The following EFCAB5 variants were observed in gnomAD, a reference collection of about 807,000 sequenced individuals.
The protein encoded by EFCAB5 is EF-hand calcium-binding domain-containing protein 5.
In EFCAB5, 131 loss-of-function variants were observed where a neutral mutation model predicts 167.9. The ratio of observed to expected loss-of-function variants is 0.78; its 90% confidence interval spans 0.68 to 0.90. The LOEUF (loss-of-function observed/expected upper bound fraction) is 0.90, where lower values mean the gene tolerates loss of function less well. Among genes scored for constraint, EFCAB5 ranks in the 40% least tolerant of loss-of-function variants. EFCAB5 has a pLI of 0.00. For synonymous variants in EFCAB5, 574 were observed against 602.8 expected (o/e 0.95, Z 0.70); for missense variants, 1,663 against 1,745.2 (o/e 0.95, Z 0.84).
At chr17:30,032,576 C>T (rs187456804) in intron 7 of EFCAB5, among the ~76,000 whole-genome samples, 131 of 152,290 alleles carry the variant, frequency 8.6e-4, no homozygotes, top group African/African-American at 2.9e-3. Flanking sequence ...GGAGTCTTAG[C>T]TGAGAGAATT....
chr17:30,013,127 C>A (rs549477772), intron 7 of EFCAB5, among the ~76,000 whole-genome samples: 1 of 152,100 alleles, frequency 6.6e-6, no homozygotes, highest in Non-Finnish European at 1.5e-5. Context: ...TATGTTGAAC[C>A]AGTCTTGCAT....
At chr17:29,977,277 T>C (rs919775614) in intron 4 of EFCAB5, among the ~76,000 whole-genome samples, 4 of 152,184 alleles carry the variant, frequency 2.6e-5, no homozygotes, top group African/African-American at 7.2e-5. Context: ...TGGTTACACA[T>C]ACTCATATAT....
chr17:29,962,842 G>A (rs2067749993), intron 3 of EFCAB5, among the ~76,000 whole-genome samples: 1 of 152,056 alleles, frequency 6.6e-6, no homozygotes, highest in Non-Finnish European at 1.5e-5. Flanking sequence ...GTATGATGTT[G>A]AACAGCAGTG....
At chr17:29,991,321 C>T (rs1167671614) in intron 4 of EFCAB5, among the ~76,000 whole-genome samples, 2 of 152,322 alleles carry the variant, frequency 1.3e-5, no homozygotes, top group South Asian at 4.1e-4. Flanking sequence ...AAGACACACA[C>T]ACAGAAATAT....
At chr17:29,973,335 C>T (rs1383615699) in intron 4 of EFCAB5, among the ~76,000 whole-genome samples, 1 of 152,132 alleles carries the variant, frequency 6.6e-6, no homozygotes, top group East Asian at 1.9e-4. Flanking sequence ...GGTAAGGCAA[C>T]CTCTCCTCCC....
chr17:30,080,345 C>A (rs1205706436), intron 16 of EFCAB5, 104 bp downstream of exon 16: 4 of 1,232,206 alleles, frequency 3.2e-6, no homozygotes, highest in African/African-American at 3.1e-5. Context: ...AAGAGAGGTG[C>A]CTCAAGTCAC....
intron 22 of EFCAB5, among the ~76,000 whole-genome samples, chr17:30,097,682 G>A (rs2071323378): frequency 6.6e-6 from 1 of 152,174 alleles, no homozygotes; most frequent in Non-Finnish European, 1.5e-5. Context: ...ATGTTTACAT[G>A]ATTTTGCCTA....
At chr17:30,074,869 T>G (rs73267676) in intron 14 of EFCAB5, among the ~76,000 whole-genome samples, 2,415 of 152,260 alleles carry the variant, frequency 0.016, 65 homozygotes, top group African/African-American at 0.054. Flanking sequence ...AGCCAGCATC[T>G]GGGTTCTACA....
intron 14 of EFCAB5, chr17:30,074,084 T>G (rs1288225059): frequency 6.5e-6 from 1 of 153,012 alleles, no homozygotes; most frequent in African/African-American, 2.4e-5. Context: ...TTAAACTCTA[T>G]GTACTCTTTT....
chr17:29,991,665 C>T (rs2068423011), intron 4 of EFCAB5, among the ~76,000 whole-genome samples: 1 of 152,160 alleles, frequency 6.6e-6, no homozygotes, highest in Non-Finnish European at 1.5e-5. Context: ...AGCATCATGG[C>T]CATCACGAAC....
At chr17:29,966,342 C>T (rs2067826149) in intron 3 of EFCAB5, among the ~76,000 whole-genome samples, 1 of 152,122 alleles carries the variant, frequency 6.6e-6, no homozygotes, top group African/African-American at 2.4e-5. Flanking sequence ...ATTAAATGTT[C>T]TGGATTGGCT....
In EFCAB5 at chr17:30,083,048, G is replaced by T; in HGVS notation, c.3579+5G>T. 1 of 1,613,442 alleles carries T rather than the reference G, an allele frequency of 6.2e-7. No homozygotes were observed. Among genetic ancestry groups the T allele is most frequent in the Non-Finnish European group, 8.5e-7 (1 of 1,179,600 alleles). ...GTAGAGCCTAGCCCAGCCCAGGTAGGCAAGGCTCAGTAGTGGTAGATCTCT... is the reference window on the plus strand; with the variant it reads ...GTAGAGCCTAGCCCAGCCCAGGTAGTCAAGGCTCAGTAGTGGTAGATCTCT... On this transcript the variant is annotated splice_donor_5th_base_variant and intron_variant, in intron 18 of 22. Transcript: ENST00000394835.
chr17:30,085,219 T>C (rs548512597), intron 18 of EFCAB5, among the ~76,000 whole-genome samples: 1 of 152,222 alleles, frequency 6.6e-6, no homozygotes, highest in Admixed American at 6.5e-5. Flanking sequence ...TACAGAGTCA[T>C]AGAGGAAAAA....
intron 7 of EFCAB5, among the ~76,000 whole-genome samples, chr17:30,015,765 T>C (rs2151693615): frequency 1.3e-5 from 2 of 151,200 alleles, no homozygotes; most frequent in East Asian, 3.9e-4. Flanking sequence ...ATTTCTTTTT[T>C]TTTTTTTTTT....
Position 30,083,028 on chromosome 17 carries a change from G to T in EFCAB5, c.3564G>T (p.Glu1188Asp), listed in dbSNP as rs774908882. 2 of 1,613,894 alleles carry T rather than the reference G, an allele frequency of 1.2e-6. No homozygotes were observed. Among genetic ancestry groups the T allele is most frequent in the Non-Finnish European group, 1.7e-6 (2 of 1,179,828 alleles). ...SITSITTYFVEPSPAQDSDYV... is the reference protein window; with the variant it reads ...SITSITTYFVDPSPAQDSDYV... ...CCTCCATCACTACGTACTTTGTAGA[G>T]CCTAGCCCAGCCCAGGTAGGCAAGG... The change falls in exon 18 of 23, where the codon GAG becomes GAT. Residue 1188 changes from glutamate to aspartate, a missense_variant. Transcript: ENST00000394835.
At chr17:29,964,284 T>G (rs2067781205) in intron 3 of EFCAB5, among the ~76,000 whole-genome samples, 1 of 152,178 alleles carries the variant, frequency 6.6e-6, no homozygotes, top group Non-Finnish European at 1.5e-5. Flanking sequence ...TTGCTCATAG[T>G]ATTCTCTTAT....
At chr17:30,037,318 CA>C (rs1483067074) in intron 8 of EFCAB5, among the ~76,000 whole-genome samples, 1 of 152,022 alleles carries the variant, frequency 6.6e-6, no homozygotes, top group Non-Finnish European at 1.5e-5. Flanking sequence ...GGAGTACCCC[CA>C]AGAAGACACC....
Position 29,996,223 on chromosome 17 carries a change from A to G in EFCAB5, c.925-89A>G, listed in dbSNP as rs920398243. On this transcript the variant is annotated intron_variant, in intron 5 of 22. Coordinates refer to ENST00000394835, the MANE Select transcript of EFCAB5 (RefSeq NM_198529.4). ...CACCCAATACTAAAACAGAAAGACTATAGATGGCTTTTAGTCTAAAATAAC... is the reference window on the plus strand; with the variant it reads ...CACCCAATACTAAAACAGAAAGACTGTAGATGGCTTTTAGTCTAAAATAAC... 4.2e-5 allele frequency: 46 copies of G among 1,087,282 alleles called. No homozygotes were observed. The Middle Eastern group carries it at 1.8e-3, about 42-fold the overall frequency. The allele number at this position is 1,087,282 out of a possible 1,614,324, so 67.4% of individuals were successfully genotyped here.
At chr17:30,069,244 G>T (rs1253062713) in intron 14 of EFCAB5, 1 of 1,535,662 alleles carries the variant, frequency 6.5e-7, no homozygotes, top group African/African-American at 1.4e-5. Flanking sequence ...ATCCAGAAAA[G>T]ATTTTGACTG....
Sources: gnomAD v4.1 joint callset for allele counts (sites outside exome capture counted in the v4.1 genomes callset) on GRCh38, gnomAD v4.1.1 for gene constraint, MANE v1.5 for transcripts, NCBI Gene and HGNC (gene_info 2026-07-23, HGNC 2026-07-21) for gene names.